The following LDLRAD4 variants were observed in gnomAD, a reference collection of about 807,000 sequenced individuals.
LDLRAD4 encodes the protein low density lipoprotein receptor class A domain containing 4.
Under a neutral mutation model 17.0 loss-of-function variants are expected in LDLRAD4, and 5 were observed. The ratio of observed to expected loss-of-function variants is 0.29; its 90% CI spans 0.15 to 0.62. The LOEUF is 0.62. Ranked by LOEUF, LDLRAD4 falls within the 20% of genes least tolerant of loss-of-function variation. LDLRAD4 has a pLI of 0.84. For synonymous variants in LDLRAD4, 168 were observed against 171.8 expected, an observed-to-expected ratio of 0.98 and a Z score of 0.17; for missense variants, 340 against 424.7, an observed-to-expected ratio of 0.80 and a Z score of 1.75.
At chr18:13,246,164 A>G (rs143700383) in intron 1 of LDLRAD4, among the ~76,000 whole-genome samples, 1 of 152,360 alleles carries the variant, frequency 6.6e-6, no homozygotes, top group African/African-American at 2.4e-5. Flanking sequence ...GATAACCCGT[A>G]TTGCTTGAAG....
chr18:13,524,236 T>G (rs1273126586), intron 3 of LDLRAD4, among the ~76,000 whole-genome samples: 1 of 152,230 alleles, frequency 6.6e-6, no homozygotes, highest in Non-Finnish European at 1.5e-5. Flanking sequence ...GGGTTGGTTT[T>G]TATTTTACAC....
intron 3 of LDLRAD4, among the ~76,000 whole-genome samples, chr18:13,620,702 AC>A (rs1261445727): frequency 6.6e-6 from 1 of 152,118 alleles, no homozygotes; most frequent in African/African-American, 2.4e-5. Flanking sequence ...TTCCTAACTC[AC>A]CTGCAGAGCC....
chr18:13,254,321 G>A (rs2043386688), intron 1 of LDLRAD4, among the ~76,000 whole-genome samples: 1 of 152,216 alleles, frequency 6.6e-6, no homozygotes, highest in Non-Finnish European at 1.5e-5. Context: ...GAGGCTGAGT[G>A]GGATCTTATA....
intron 3 of LDLRAD4, among the ~76,000 whole-genome samples, chr18:13,458,391 T>C (rs534733759): frequency 6.6e-6 from 1 of 152,282 alleles, no homozygotes; most frequent in East Asian, 1.9e-4. Context: ...CGTAAATCTT[T>C]CCACAAGCAC....
At chr18:13,321,140 T>G (rs532920270) in intron 1 of LDLRAD4, among the ~76,000 whole-genome samples, 1 of 152,138 alleles carries the variant, frequency 6.6e-6, no homozygotes, top group Non-Finnish European at 1.5e-5. Flanking sequence ...TCCGAGAGAC[T>G]GGCTCCCTGG....
intron 1 of LDLRAD4, among the ~76,000 whole-genome samples, chr18:13,271,101 C>G (rs1201664798): frequency 2.6e-5 from 4 of 152,146 alleles, no homozygotes; most frequent in South Asian, 4.2e-4. Context: ...ACCTAAACAA[C>G]AACTAAACAC....
chr18:13,497,292 T>C lies in LDLRAD4; in HGVS notation c.181+58908T>C, dbSNP rs145530909. Among the ~76,000 whole-genome samples the C allele has an allele frequency of 6.6e-3, 1,006 of 152,276 alleles. 3 individuals are homozygous for C. Among genetic ancestry groups the C allele is most frequent in the Non-Finnish European group, 8.9e-3 (607 of 68,006 alleles). On this transcript the variant is annotated intron_variant, in intron 3 of 5. Coordinates refer to ENST00000359446, the Ensembl canonical transcript of LDLRAD4. ...CCTGGGCTCAAGCAATCCTCCTGCCTCAGCCTCCGGAATAGCTGGGACTAC... is the reference window on the plus strand; with the variant it reads ...CCTGGGCTCAAGCAATCCTCCTGCCCCAGCCTCCGGAATAGCTGGGACTAC...
At chr18:13,306,020 T>TA (rs972061236) in intron 1 of LDLRAD4, among the ~76,000 whole-genome samples, 3 of 151,978 alleles carry the variant, frequency 2.0e-5, no homozygotes, top group Non-Finnish European at 2.9e-5. Context: ...AGATTTGGCT[T>TA]AAAAAAAAGT....
chr18:13,540,637 T>C (rs1194504839), intron 3 of LDLRAD4, among the ~76,000 whole-genome samples: 1 of 152,192 alleles, frequency 6.6e-6, no homozygotes, highest in African/African-American at 2.4e-5. Context: ...CAACATCTGC[T>C]GGCTGGAAAA....
At chr18:13,356,098 C>A (rs2083322602) in intron 1 of LDLRAD4, among the ~76,000 whole-genome samples, 2 of 152,262 alleles carry the variant, frequency 1.3e-5, no homozygotes, top group Non-Finnish European at 2.9e-5. Flanking sequence ...TGCTTCAGCA[C>A]AATCCCATGA....
chr18:13,523,251 C>T (rs948526870), intron 3 of LDLRAD4, among the ~76,000 whole-genome samples: 3 of 152,192 alleles, frequency 2.0e-5, no homozygotes, highest in Non-Finnish European at 2.9e-5. Context: ...TAATTGACAT[C>T]CCCGATCAAT....
intron 2 of LDLRAD4, among the ~76,000 whole-genome samples, chr18:13,436,501 G>A (rs2090666752): frequency 6.6e-6 from 1 of 152,206 alleles, no homozygotes; most frequent in Non-Finnish European, 1.5e-5. Context: ...ATTCAATTCA[G>A]ATTAGTATTC....
chr18:13,356,110 A>G (rs12967286), intron 1 of LDLRAD4, among the ~76,000 whole-genome samples: 146,082 of 152,354 alleles, frequency 0.96, 70,307 homozygotes, highest in Non-Finnish European at 1. Context: ...ATCCCATGAG[A>G]CCTTCAGAGC....
intron 1 of LDLRAD4, among the ~76,000 whole-genome samples, chr18:13,292,314 G>A (rs1282710505): frequency 1.3e-5 from 2 of 152,228 alleles, no homozygotes; most frequent in Admixed American, 6.5e-5. Context: ...CGTGCCCTGG[G>A]CATATTTGTG....
At chr18:13,241,153 C>G in intron 1 of LDLRAD4, 1 of 152,222 alleles carries the variant, frequency 6.6e-6, no homozygotes, top group East Asian at 1.9e-4. Flanking sequence ...TCTGGAACTC[C>G]TGACCTCAAG....
rs1339650019 is a variant in LDLRAD4, at chr18:13,367,700, G to A, written c.-382-19641G>A. 1.3e-5 allele frequency among the ~76,000 whole-genome samples: 2 copies of A among 151,914 alleles called. No individual in the cohort carries two copies. Among genetic ancestry groups the A allele is most frequent in the South Asian group, 2.1e-4 (1 of 4,792 alleles). On this transcript the variant is annotated intron_variant, in intron 1 of 5. Transcript: ENST00000359446. This position sits in a 1 kb window ranked among gnomAD's most constrained non-coding sequence, Gnocchi z 4.1. ...GGGACAGCCGGGCACGGGGGCACAC[G>A]TTGTCAAGGGATATACCGAGAGGAG... is the stretch of plus-strand genomic sequence containing the variant.
chr18:13,285,268 G>A lies in LDLRAD4; in HGVS notation c.-383+7080G>A, dbSNP rs186865091. ...AGGGCTTTGATAGGATTCTCAGGAGGGTTTTGACCTCCAGAAAGGGTTAAG... is the reference window on the plus strand; with the variant it reads ...AGGGCTTTGATAGGATTCTCAGGAGAGTTTTGACCTCCAGAAAGGGTTAAG... On this transcript the variant is annotated intron_variant, in intron 1 of 5. Coordinates refer to ENST00000359446, the Ensembl canonical transcript of LDLRAD4. 3.0e-4 allele frequency among the ~76,000 whole-genome samples: 45 copies of A among 152,236 alleles called. No individual in the cohort carries two copies. In the South Asian group the frequency reaches 3.1e-3, roughly 11 times the overall value.
intron 3 of LDLRAD4, among the ~76,000 whole-genome samples, chr18:13,609,530 C>CGTGTGTGTGT (rs72225166): frequency 1.7e-4 from 26 of 149,556 alleles, no homozygotes; most frequent in African/African-American, 5.9e-4. Flanking sequence ...TGTGTGTGTG[C>CGTGTGTGTGT]GTGTGTGTGT....
intron 2 of LDLRAD4, among the ~76,000 whole-genome samples, chr18:13,436,768 C>T (rs2090685766): frequency 6.6e-6 from 1 of 152,234 alleles, no homozygotes; most frequent in African/African-American, 2.4e-5. Flanking sequence ...GTGGCCCAGC[C>T]TCACTCTGCA....
Sources: gnomAD v4.1 joint callset for allele counts (sites outside exome capture counted in the v4.1 genomes callset) on GRCh38, gnomAD v4.1.1 for gene constraint, Gnocchi (gnomAD v3.1) non-coding constraint, MANE v1.5 for transcripts, NCBI Gene and HGNC (gene_info 2026-07-23, HGNC 2026-07-21) for gene names.